CREB3: variants seen among roughly 807,000 people sequenced by gnomAD.
The protein encoded by CREB3 is cyclic AMP-responsive element-binding protein 3.
A neutral mutation model predicts 34.5 loss-of-function variants in CREB3; 29 were observed. The observed-to-expected ratio is 0.84, with a 90% CI of 0.63 to 1.15. CREB3 has a LOEUF of 1.15. Among genes scored for constraint, CREB3 ranks in the 50% most tolerant of loss-of-function variants. The pLI is 0.00. For missense variants in CREB3, 447 were observed against 443.4 expected (o/e 1.01, Z -0.07); for synonymous variants, 187 against 173.9 (o/e 1.08, Z -0.59).
At chr9:35,734,919 A>C (rs1194436376) in intron 4 of CREB3, among the ~76,000 whole-genome samples, 190 bp from the exon 5 acceptor site, 3 of 151,930 alleles carry the variant, frequency 2.0e-5, no homozygotes, top group Non-Finnish European at 4.4e-5. Flanking sequence ...TTTTTTTAAT[A>C]GTTTAAAATG....
Position 35,735,998 on chromosome 9 carries a change from C to T in CREB3, c.612-50C>T, listed in dbSNP as rs12352355. Reference sequence around the variant, plus strand: ...CCTGAACAGGAGTTTCACTGTGTCTCAGGATGCTAGGCCAGGGGATGCTCA... The same window carrying T: ...CCTGAACAGGAGTTTCACTGTGTCTTAGGATGCTAGGCCAGGGGATGCTCA... On this transcript the variant is annotated intron_variant, in intron 6 of 8. Transcript: ENST00000353704. 7.2e-3 allele frequency: 10,197 copies of T among 1,419,606 alleles called. 506 individuals are homozygous for T. The African/African-American group carries it at 0.12, about 16-fold the overall frequency. 87.9% of individuals were successfully genotyped at this position (1,419,606 alleles called of 1,614,324 possible).
chr9:35,736,778 G>C lies in CREB3; in HGVS notation c.*52G>C. 2.0e-6 allele frequency: 3 copies of C among 1,512,112 alleles called. No homozygotes were observed. The highest frequency in any genetic ancestry group is 2.7e-6 in the Non-Finnish European group (3 of 1,119,714). The allele number at this position is 1,512,112 out of a possible 1,614,324, so 93.7% of individuals were successfully genotyped here. A position where few individuals can be genotyped will look rare whatever the true frequency, so the allele number is the denominator to read the frequency against. On this transcript the variant is annotated 3_prime_UTR_variant, in exon 9 of 9. Transcript: ENST00000353704. Reference sequence around the variant, plus strand: ...CAGGAGCCTGGGGGGCTCCCCATCTGTGTCCAAATAAAAAGCGGTGGGCAA... The same window carrying C: ...CAGGAGCCTGGGGGGCTCCCCATCTCTGTCCAAATAAAAAGCGGTGGGCAA...
Position 35,735,160 on chromosome 9 carries a change from T to C in CREB3, c.487T>C (p.Ser163Pro), listed in dbSNP as rs1365509016. The C allele has an allele frequency of 4.4e-6, 7 of 1,600,840 alleles. No homozygotes were observed. Among genetic ancestry groups the C allele is most frequent in the Non-Finnish European group, 5.1e-6 (6 of 1,176,932 alleles). ...GCGGAGGAAGATTCGAAATAAAAGA[T>C]CTGCTCAAGAGAGCCGCAGGAAAAA... is the stretch of plus-strand genomic sequence containing the variant. ...RVRRKIRNKR[S>P]AQESRRKKKV... The change falls in exon 5 of 9, where the codon TCT becomes CCT. Residue 163 changes from serine (S) to proline (P), a missense_variant. Ser to Pro is a moderately conservative substitution (Grantham distance 74). Transcript: ENST00000353704.
In CREB3 at chr9:35,732,959, G is replaced by A; in HGVS notation, c.130-37G>A. ...GATGTCCATGAAGTCAGGTGATGGT[G>A]ATAAGGTCAAGGCCTGTTCATTGGA... On this transcript the variant is annotated intron_variant, in intron 1 of 8. Coordinates refer to ENST00000353704, the MANE Select transcript of CREB3 (RefSeq NM_006368.5). This position sits in a 1 kb window ranked among gnomAD's most constrained non-coding sequence, Gnocchi z 5.1. The A allele has an allele frequency of 6.2e-7, 1 of 1,613,122 alleles. No homozygotes were observed. Among genetic ancestry groups the A allele is most frequent in the Non-Finnish European group, 8.5e-7 (1 of 1,179,276 alleles).
At chr9:35,734,483 A>C (rs1826158111) in intron 4 of CREB3, among the ~76,000 whole-genome samples, 1 of 152,116 alleles carries the variant, frequency 6.6e-6, no homozygotes, top group Non-Finnish European at 1.5e-5. Flanking sequence ...AGGAAATGTT[A>C]AGTGCCTTAA....
Position 35,735,339 on chromosome 9 carries a change from T to C in CREB3, c.576T>C (p.Leu192=). 6.2e-7 allele frequency: 1 copy of C among 1,614,128 alleles called. No individual in the cohort carries two copies. The highest frequency in any genetic ancestry group is 8.5e-7 in the Non-Finnish European group (1 of 1,180,014). The change falls in exon 6 of 9, where the codon CTT becomes CTC. Residue 192 remains leucine, a synonymous_variant. Coordinates refer to ENST00000353704, the MANE Select transcript of CREB3 (RefSeq NM_006368.5). ...VLKYTAQNME[L]QNKVQLLEEQ... is the part of the protein sequence containing the mutation. ...AATACACAGCCCAGAATATGGAGCT[T>C]CAGAACAAAGTACAGCTTCTGGAGG...
chr9:35,736,277 T>C lies in CREB3; in HGVS notation c.747T>C (p.Ser249=). 2 of 1,614,178 alleles carry C rather than the reference T, an allele frequency of 1.2e-6. No individual in the cohort carries two copies. Among genetic ancestry groups the C allele is most frequent in the Non-Finnish European group, 1.7e-6 (2 of 1,180,008 alleles). ...TCCTTGTACCTGCTATGTACTCCTC[T>C]GACACAAGGGGGAGCCTGCCAGCTG... ...CLLLVPAMYS[S]DTRGSLPAEH... The change falls in exon 8 of 9, where the codon TCT becomes TCC. Residue 249 remains serine, a synonymous_variant. Coordinates refer to ENST00000353704, the MANE Select transcript of CREB3 (RefSeq NM_006368.5).
rs1826225522 is a variant in CREB3 at position 35,736,715 on chromosome 9, TACTC to T, written c.1107_1110del (p.Tyr369Ter). The T allele has an allele frequency of 6.2e-7, 1 of 1,606,926 alleles. No homozygotes were observed. Among genetic ancestry groups the T allele is most frequent in the Non-Finnish European group, 8.5e-7 (1 of 1,179,216 alleles). ...CCCCTCTGTCATTTTGCAGGACAGA[TACTC>T]AGGCTAGATATGAGGATATGTGGGG... On this transcript the variant is annotated frameshift_variant, in exon 9 of 9. Coordinates refer to ENST00000353704, the MANE Select transcript of CREB3 (RefSeq NM_006368.5). LOFTEE classifies it high-confidence loss of function.
chr9:35,735,139 AG>A lies in CREB3; in HGVS notation c.468del (p.Lys157ArgfsTer22), dbSNP rs767297409. 1 of 1,604,074 alleles carries A rather than the reference AG, an allele frequency of 6.2e-7. No individual in the cohort carries two copies. Among genetic ancestry groups the A allele is most frequent in the African/African-American group, 1.4e-5 (1 of 74,004 alleles). On this transcript the variant is annotated frameshift_variant, in exon 5 of 9. Transcript: ENST00000353704. LOFTEE classifies it high-confidence loss of function. Reference protein sequence around the residue: ...TEEQILKRVRRKIRNKRSAQE... With the variant: ...TEEQILKRVRXKIRNKRSAQE... Reference sequence around the variant, plus strand: ...GGAACAAATTCTGAAACGTGTGCGGAGGAAGATTCGAAATAAAAGATCTGCT... The same window carrying A: ...GGAACAAATTCTGAAACGTGTGCGGAGAAGATTCGAAATAAAAGATCTGCT...
In CREB3 at chr9:35,736,449, C is replaced by T; in HGVS notation, c.839C>T (p.Pro280Leu). Residue 280 changes from proline (P) to leucine (L), a missense_variant, in exon 9 of 9, where the codon CCT becomes CTT. Pro to Leu is a moderately conservative substitution (Grantham distance 98). Coordinates refer to ENST00000353704, the MANE Select transcript of CREB3 (RefSeq NM_006368.5). ...PSEDPYQLEL[P>L]ALQSEVPKDS... ...GAGGACCCTTACCAGCTGGAGCTGC[C>T]TGCCCTGCAGTCAGAAGTGCCGAAA... The T allele has an allele frequency of 6.2e-7, 1 of 1,614,180 alleles. No individual in the cohort carries two copies. The highest frequency in any genetic ancestry group is 8.5e-7 in the Non-Finnish European group (1 of 1,180,050).
Position 35,736,645 on chromosome 9 carries a change from G to A in CREB3, c.1035G>A (p.Leu345=). 6.2e-7 allele frequency: 1 copy of A among 1,613,620 alleles called. No individual in the cohort carries two copies. Among genetic ancestry groups the A allele is most frequent in the South Asian group, 1.1e-5 (1 of 91,082 alleles). ...TCTGCCGAGGTCCCATCCTCCCCCT[G>A]CAGGCAAATCTCACAAGGAAGGGAG... is the stretch of plus-strand genomic sequence containing the variant. ...EPLCRGPILP[L]QANLTRKGGW... The change falls in exon 9 of 9, where the codon CTG becomes CTA. Residue 345 remains leucine (L), a synonymous_variant. Coordinates refer to ENST00000353704, the MANE Select transcript of CREB3 (RefSeq NM_006368.5).
chr9:35,736,831 C>A lies in CREB3; in HGVS notation c.*105C>A. 1 of 1,082,324 alleles carries A rather than the reference C, an allele frequency of 9.2e-7. No homozygotes were observed. The highest frequency in any genetic ancestry group is 1.3e-6 in the Non-Finnish European group (1 of 747,270). 67.0% of individuals were successfully genotyped at this position (1,082,324 alleles called of 1,614,324 possible). Reference sequence around the variant, plus strand: ...GCTGGCCGCAGCTCCTGTGCCCTGTCAGGACGACTGAGGGCTCAAACACAC... The same window carrying A: ...GCTGGCCGCAGCTCCTGTGCCCTGTAAGGACGACTGAGGGCTCAAACACAC... On this transcript the variant is annotated 3_prime_UTR_variant, in exon 9 of 9. Coordinates refer to ENST00000353704, the MANE Select transcript of CREB3 (RefSeq NM_006368.5).
chr9:35,734,827 A>G (rs1826162966), intron 4 of CREB3, among the ~76,000 whole-genome samples: 1 of 152,216 alleles, frequency 6.6e-6, no homozygotes, highest in Non-Finnish European at 1.5e-5. Flanking sequence ...TCCTGGGCTC[A>G]ACCGGTCCTC....
intron 4 of CREB3, among the ~76,000 whole-genome samples, chr9:35,734,051 G>A (rs1459761789): frequency 1.3e-5 from 2 of 152,006 alleles, no homozygotes; most frequent in Non-Finnish European, 2.9e-5. Context: ...ATGGCTCACT[G>A]CAGCCTTGAC....
In CREB3 at chr9:35,733,378, A is replaced by T. The variant is rs966366656; in HGVS notation, c.346-18A>T. Reference sequence around the variant, plus strand: ...TGACATCCCCATGCAACTGCCGTCCACTTTCTTGTTACCCTAGGAGATTGC... The same window carrying T: ...TGACATCCCCATGCAACTGCCGTCCTCTTTCTTGTTACCCTAGGAGATTGC... On this transcript the variant is annotated intron_variant, in intron 3 of 8. Transcript: ENST00000353704. 6.2e-7 allele frequency: 1 copy of T among 1,611,950 alleles called. No homozygotes were observed. The highest frequency in any genetic ancestry group is 1.3e-5 in the African/African-American group (1 of 74,868).
In CREB3 at chr9:35,736,234, T is replaced by C; in HGVS notation, c.704T>C (p.Leu235Pro). The C allele has an allele frequency of 6.2e-7, 1 of 1,614,168 alleles. No individual in the cohort carries two copies. Among genetic ancestry groups the C allele is most frequent in the Non-Finnish European group, 8.5e-7 (1 of 1,179,996 alleles). Residue 235 changes from leucine (L) to proline (P), a missense_variant, in exon 8 of 9, where the codon CTA (leucine) becomes CCA (proline). Coordinates refer to ENST00000353704, the MANE Select transcript of CREB3 (RefSeq NM_006368.5). ...CTTTTTCCTGTGCTCTAGGTCCTAC[T>C]AGTCTCCTTCTGCCTCCTCCTTGTA... ...SSSSTCILVLLVSFCLLLVPA... is the reference protein window; with the variant it reads ...SSSSTCILVLPVSFCLLLVPA...
At chr9:35,733,580 G>GTT in intron 4 of CREB3, 95 bp downstream of exon 4, 1 of 837,384 alleles carries the variant, frequency 1.2e-6, no homozygotes, top group Non-Finnish European at 1.9e-6. Context: ...TTTAAAAAAG[G>GTT]ATTGAGGTGA....
chr9:35,735,452 G>A, intron 6 of CREB3, 78 bp downstream of exon 6: 1 of 1,323,790 alleles, frequency 7.6e-7, no homozygotes. Context: ...CCCTACACTT[G>A]ATTTCTAACT....
intron 6 of CREB3, among the ~76,000 whole-genome samples, 191 bp downstream of exon 6, chr9:35,735,565 G>A (rs537510317): frequency 6.6e-6 from 1 of 152,198 alleles, no homozygotes; most frequent in Non-Finnish European, 1.5e-5. Flanking sequence ...AAAAAGAAAG[G>A]GGGTAAGAAA....
Sources: allele counts gnomAD v4.1 joint callset (sites outside exome capture counted in the v4.1 genomes callset), GRCh38; gene constraint gnomAD v4.1.1; non-coding constraint Gnocchi (gnomAD v3.1); transcripts MANE v1.5; gene names NCBI Gene and HGNC (gene_info 2026-07-23, HGNC 2026-07-21).